The following MALRD1 variants were observed in gnomAD, a reference collection of about 807,000 sequenced individuals.
The protein encoded by MALRD1 is MAM and LDL-receptor class A domain-containing protein 1.
MALRD1 carries 247 observed loss-of-function variants against 242.1 expected under a neutral mutation model. The observed-to-expected ratio is 1.02, with a 90% CI of 0.92 to 1.13. MALRD1 has a LOEUF of 1.13. Ranked by LOEUF, MALRD1 falls within the 50% of genes most tolerant of loss-of-function variation. The pLI is 0.00. For missense variants in MALRD1, 2,989 were observed against 2,533.1 expected (o/e 1.18, Z -3.86); for synonymous variants, 995 against 866.6 (o/e 1.15, Z -2.60).
chr10:19,499,210 G>A (rs16918885), intron 31 of MALRD1, among the ~76,000 whole-genome samples: 5,691 of 152,136 alleles, frequency 0.037, 373 homozygotes, highest in African/African-American at 0.13. Flanking sequence ...ACTCAAAGTA[G>A]GAGTAAGCTT....
At chr10:19,079,352 T>C (rs1564377302) in intron 2 of MALRD1, among the ~76,000 whole-genome samples, 1 of 151,840 alleles carries the variant, frequency 6.6e-6, no homozygotes, top group Admixed American at 6.6e-5. Context: ...ACTTGTATGA[T>C]TTGTATGCTC....
chr10:19,495,630 G>A (rs1351057828), intron 30 of MALRD1, among the ~76,000 whole-genome samples: 2 of 152,174 alleles, frequency 1.3e-5, no homozygotes, highest in East Asian at 3.9e-4. Flanking sequence ...ACACACCTAA[G>A]TACACAGACC....
intron 2 of MALRD1, among the ~76,000 whole-genome samples, chr10:19,072,413 A>T (rs967755051): frequency 6.6e-6 from 1 of 152,166 alleles, no homozygotes; most frequent in Non-Finnish European, 1.5e-5. Flanking sequence ...AATTAATATC[A>T]TTGTTACATG....
At chr10:19,280,784 G>A (rs7895240) in intron 20 of MALRD1, among the ~76,000 whole-genome samples, 11,786 of 152,178 alleles carry the variant, frequency 0.077, 720 homozygotes, top group Admixed American at 0.2. Flanking sequence ...AAACTATTTA[G>A]TTTAAAAATG....
intron 9 of MALRD1, 70 bp from the exon 10 acceptor site, chr10:19,136,504 C>G (rs1041900414): frequency 3.6e-5 from 32 of 889,686 alleles, no homozygotes; most frequent in Non-Finnish European, 4.6e-5. Context: ...TTGTCTTTAT[C>G]AACCTTCTTT....
At chr10:19,193,309 A>C (rs562965329) in intron 14 of MALRD1, among the ~76,000 whole-genome samples, 4 of 152,204 alleles carry the variant, frequency 2.6e-5, no homozygotes, top group African/African-American at 9.6e-5. Flanking sequence ...TAATCTCAGC[A>C]CTTTGAGAGG....
intron 31 of MALRD1, among the ~76,000 whole-genome samples, chr10:19,502,576 A>G (rs1390884631): frequency 2.0e-4 from 31 of 152,206 alleles, no homozygotes; most frequent in Admixed American, 2.0e-3. Flanking sequence ...ATTTAGATGG[A>G]ACTTTTTTAC....
Position 19,387,531 on chromosome 10 carries a change from T to A in MALRD1, c.4445T>A (p.Phe1482Tyr). The change falls in exon 27 of 40, where the codon TTC becomes TAC. Residue 1482 changes from phenylalanine to tyrosine, a missense_variant. Coordinates refer to ENST00000454679, the MANE Select transcript of MALRD1 (RefSeq NM_001142308.3). Reference protein sequence around the residue: ...EELAVPLPTGFCPLGYRECHN... With the variant: ...EELAVPLPTGYCPLGYRECHN... ...GTTTTCTTTTGTTTTGTTTTAGGTTTCTGCCCACTTGGCTATAGGGAATGT... is the reference window on the plus strand; with the variant it reads ...GTTTTCTTTTGTTTTGTTTTAGGTTACTGCCCACTTGGCTATAGGGAATGT... The A allele has an allele frequency of 6.5e-7, 1 of 1,549,744 alleles. No homozygotes were observed. Among genetic ancestry groups the A allele is most frequent in the South Asian group, 1.2e-5 (1 of 83,974 alleles).
At chr10:19,296,119 T>G (rs747126949) in intron 21 of MALRD1, among the ~76,000 whole-genome samples, 2 of 152,126 alleles carry the variant, frequency 1.3e-5, no homozygotes, top group Non-Finnish European at 2.9e-5. Flanking sequence ...GGCCGCCAAC[T>G]CTTGGGAAAC....
chr10:19,355,858 T>TATATATATATATATATATATA (rs57813656), intron 26 of MALRD1, among the ~76,000 whole-genome samples: 2,988 of 94,356 alleles, frequency 0.032, 238 homozygotes, highest in Admixed American at 0.046. Context: ...TATATATATA[T>TATATATATATATATATATATA]TATATATGAT....
chr10:19,385,983 T>A (rs187072316), intron 26 of MALRD1, among the ~76,000 whole-genome samples: 85 of 152,274 alleles, frequency 5.6e-4, no homozygotes, highest in Non-Finnish European at 1.0e-3. Flanking sequence ...GAGTCCATGG[T>A]TGAAGCTTAT....
chr10:19,709,168 G>C (rs1160926302), intron 38 of MALRD1, among the ~76,000 whole-genome samples: 4 of 149,616 alleles, frequency 2.7e-5, no homozygotes, highest in Non-Finnish European at 4.4e-5. Flanking sequence ...TGCTTTGGGA[G>C]GCCAAGGTGG....
chr10:19,690,135 C>T (rs28735324), intron 36 of MALRD1, among the ~76,000 whole-genome samples: 5,476 of 151,956 alleles, frequency 0.036, 278 homozygotes, highest in African/African-American at 0.11. Flanking sequence ...GTTTGTTATG[C>T]AAATACACAA....
chr10:19,723,692 T>C (rs1460908032), intron 38 of MALRD1, among the ~76,000 whole-genome samples: 1 of 150,744 alleles, frequency 6.6e-6, no homozygotes, highest in Non-Finnish European at 1.5e-5. Flanking sequence ...CAGTGAGCTA[T>C]GATCACACCA....
intron 31 of MALRD1, among the ~76,000 whole-genome samples, chr10:19,512,403 C>CTGA (rs1186955376): frequency 6.6e-6 from 1 of 152,208 alleles, no homozygotes; most frequent in Admixed American, 6.5e-5. Context: ...AGCAGTAATA[C>CTGA]ATTTGCCCAA....
chr10:19,325,445 T>G (rs535735511), intron 22 of MALRD1, among the ~76,000 whole-genome samples: 96 of 151,332 alleles, frequency 6.3e-4, no homozygotes, highest in Non-Finnish European at 1.2e-3. Context: ...ATCCAACATA[T>G]ACAGGCCAGA....
At chr10:19,073,446 A>T (rs2131261868) in intron 2 of MALRD1, among the ~76,000 whole-genome samples, 1 of 152,252 alleles carries the variant, frequency 6.6e-6, no homozygotes, top group African/African-American at 2.4e-5. Context: ...TGAAATCCAA[A>T]GTGCTCCGAA....
rs76895799 is a variant in MALRD1, at chr10:19,535,475, G to T, written c.5478+4124G>T. Among the ~76,000 whole-genome samples the T allele has an allele frequency of 3.0e-3, 455 of 149,408 alleles. 18 individuals are homozygous for T. In the East Asian group the frequency reaches 0.058, roughly 19 times the overall value. On this transcript the variant is annotated intron_variant, in intron 32 of 39. Coordinates refer to ENST00000454679, the MANE Select transcript of MALRD1 (RefSeq NM_001142308.3). ...TTCCCTCATAAATATATGTATATATGTGTATATGCATATACATATACACAT... is the reference window on the plus strand; with the variant it reads ...TTCCCTCATAAATATATGTATATATTTGTATATGCATATACATATACACAT...
chr10:19,327,566 C>T lies in MALRD1; in HGVS notation c.3580C>T (p.Leu1194Phe), dbSNP rs945555692. 7 of 1,547,658 alleles carry T rather than the reference C, an allele frequency of 4.5e-6. No individual in the cohort carries two copies. In the African/African-American group the frequency reaches 6.8e-5, roughly 15 times the overall value. Residue 1194 changes from leucine to phenylalanine, a missense_variant, in exon 23 of 40, where the codon CTC becomes TTC. Leu to Phe is a conservative substitution (Grantham distance 22, BLOSUM62 0). Coordinates refer to ENST00000454679, the MANE Select transcript of MALRD1 (RefSeq NM_001142308.3). ...TTTACTTGATTTATCTCTATAGGTG[C>T]TCATCAAGAAAGATAACGTTACTTC... ...NGATVGSLQV[L>F]IKKDNVTSKL...
Sources: allele counts gnomAD v4.1 joint callset (sites outside exome capture counted in the v4.1 genomes callset), GRCh38; gene constraint gnomAD v4.1.1; transcripts MANE v1.5; gene names NCBI Gene and HGNC (gene_info 2026-07-23, HGNC 2026-07-21).